Variants in TAPT1 observed in about 807,000 individuals in gnomAD.
The protein encoded by TAPT1 is transmembrane anterior posterior transformation 1, also known as transmembrane anterior posterior transformation protein 1 homolog.
In TAPT1, 28 loss-of-function variants were observed where a neutral mutation model predicts 65.6. The ratio of observed to expected loss-of-function variants is 0.43; its 90% CI spans 0.32 to 0.59. The LOEUF is 0.59. Ranked by LOEUF, TAPT1 falls within the 20% of genes least tolerant of loss-of-function variation. The probability of loss-of-function intolerance (pLI) is 0.09; values close to 1 mark genes in which losing one functional copy is unlikely to be tolerated. For missense variants in TAPT1, 563 were observed against 679.9 expected (o/e 0.83, Z 1.91); for synonymous variants, 278 against 245.2 (o/e 1.13, Z -1.25).
In TAPT1 at chr4:16,188,356, C is replaced by G; in HGVS notation, c.613-1G>C. ...AAGATGAAAACAGACGATCAGCTAC[C>G]TAAAAAAAAAAATTATTTGTAAGAT... On this transcript the variant is annotated splice_acceptor_variant, in intron 4 of 13. Coordinates refer to ENST00000405303, the MANE Select transcript of TAPT1 (RefSeq NM_153365.3). LOFTEE classifies it high-confidence loss of function. The G allele has an allele frequency of 6.4e-7, 1 of 1,558,750 alleles. No homozygotes were observed. The highest frequency in any genetic ancestry group is 2.3e-5 in the East Asian group (1 of 44,032).
At chr4:16,186,461 G>C in intron 7 of TAPT1, 74 bp downstream of exon 7, 1 of 929,410 alleles carries the variant, frequency 1.1e-6, no homozygotes, top group Admixed American at 2.4e-5. Flanking sequence ...CAGAGAAAAT[G>C]TGCCATTAGG....
At chr4:16,164,761 G>C (rs1747474739) in intron 13 of TAPT1, among the ~76,000 whole-genome samples, 1 of 152,054 alleles carries the variant, frequency 6.6e-6, no homozygotes, top group Admixed American at 6.5e-5. Flanking sequence ...TGCGTAACAA[G>C]AGAACACGTA....
At chr4:16,174,871 T>C in intron 9 of TAPT1, 142 bp from the exon 10 acceptor site, 2 of 554,546 alleles carry the variant, frequency 3.6e-6, no homozygotes, top group South Asian at 6.6e-5. Context: ...GCATAATTTC[T>C]TATTTGTTTT....
chr4:16,214,653 G>A (rs71603315), intron 1 of TAPT1: 1 of 152,200 alleles, frequency 6.6e-6, no homozygotes, highest in South Asian at 2.1e-4. Flanking sequence ...GAAGGCTCTG[G>A]ATGCTCGACC....
chr4:16,166,261 C>A (rs1747611134), intron 13 of TAPT1, among the ~76,000 whole-genome samples: 1 of 152,238 alleles, frequency 6.6e-6, no homozygotes, highest in African/African-American at 2.4e-5. Context: ...ACTTCCCTTT[C>A]CCCGTCCTGC....
In TAPT1 at chr4:16,187,358, G is replaced by A. The variant is rs115016634; in HGVS notation, c.749-480C>T. ...CCTGAGTCTTCAGGAAATGTGGAAT[G>A]TAAGGCAGTAGGAAATATCTGATAA... On this transcript the variant is annotated intron_variant, in intron 5 of 13. Coordinates refer to ENST00000405303, the MANE Select transcript of TAPT1 (RefSeq NM_153365.3). 4.4e-3 allele frequency among the ~76,000 whole-genome samples: 667 copies of A among 152,300 alleles called. 1 individual carries two copies. Among genetic ancestry groups the A allele is most frequent in the African/African-American group, 0.014 (594 of 41,582 alleles).
chr4:16,169,201 G>A (rs1013544530), intron 12 of TAPT1, among the ~76,000 whole-genome samples: 7 of 152,296 alleles, frequency 4.6e-5, no homozygotes, highest in East Asian at 1.9e-4. Flanking sequence ...GAAGTGAGGC[G>A]ACATGGGAGG....
intron 12 of TAPT1, among the ~76,000 whole-genome samples, chr4:16,168,931 G>GA (rs1441030381): frequency 6.6e-6 from 1 of 152,152 alleles, no homozygotes; most frequent in Non-Finnish European, 1.5e-5. Flanking sequence ...GGAAAGAGGA[G>GA]AAACCGGGTG....
chr4:16,202,603 GAAA>G, intron 2 of TAPT1, 23 bp from the exon 3 acceptor site: 1 of 665,348 alleles, frequency 1.5e-6, no homozygotes, highest in South Asian at 2.7e-5. Context: ...AAGGAGAGAA[GAAA>G]AAAAAAAAGT....
chr4:16,173,259 C>T (rs995532151), intron 11 of TAPT1, among the ~76,000 whole-genome samples: 1 of 151,954 alleles, frequency 6.6e-6, no homozygotes, highest in African/African-American at 2.4e-5. Flanking sequence ...CTAAGCCAGG[C>T]TAAACAAATC....
chr4:16,174,470 C>G, intron 10 of TAPT1, 198 bp from the exon 11 acceptor site: 1 of 671,708 alleles, frequency 1.5e-6, no homozygotes, highest in South Asian at 2.1e-5. Flanking sequence ...TAAAATGCTG[C>G]AAAGAGCATA....
rs60481023 is a variant in TAPT1, at chr4:16,188,813, G to A, written c.613-458C>T. ...CAGGCGCCTGTAGTCCCAGCTACTCGGGAGGCTGAGGCAGGAGAATGACGT... is the reference window on the plus strand; with the variant it reads ...CAGGCGCCTGTAGTCCCAGCTACTCAGGAGGCTGAGGCAGGAGAATGACGT... On this transcript the variant is annotated intron_variant, in intron 4 of 13. Transcript: ENST00000405303. Among the ~76,000 whole-genome samples, 664 of 152,102 alleles carry A rather than the reference G, an allele frequency of 4.4e-3. 1 individual carries two copies. The highest frequency in any genetic ancestry group is 0.014 in the African/African-American group (592 of 41,488).
chr4:16,222,903 T>C (rs1394875154), intron 1 of TAPT1, among the ~76,000 whole-genome samples: 1 of 152,198 alleles, frequency 6.6e-6, no homozygotes, highest in East Asian at 1.9e-4. Flanking sequence ...AGAAACAATA[T>C]GTTCACCTAT....
In TAPT1 at chr4:16,186,452, A is replaced by G. The variant is rs541871326; in HGVS notation, c.916+83T>C. Reference sequence around the variant, plus strand: ...TACAGTTTAAGCTGAAGAGTGGCCCAGAGAAAATGTGCCATTAGGATTTCA... The same window carrying G: ...TACAGTTTAAGCTGAAGAGTGGCCCGGAGAAAATGTGCCATTAGGATTTCA... On this transcript the variant is annotated intron_variant, in intron 7 of 13. Coordinates refer to ENST00000405303, the MANE Select transcript of TAPT1 (RefSeq NM_153365.3). 1.6e-5 allele frequency: 14 copies of G among 856,976 alleles called. No individual in the cohort carries two copies. The East Asian group carries it at 3.8e-4, about 23-fold the overall frequency. 53.1% of individuals were successfully genotyped at this position (856,976 alleles called of 1,614,324 possible). A position where few individuals can be genotyped will look rare whatever the true frequency, so the allele number is the denominator to read the frequency against.
In TAPT1 at chr4:16,179,679, T is replaced by C. The variant is rs960127657; in HGVS notation, c.917-22A>G. ...ATATCTAAAAGAAAAAAAATCAACATAAGTACTGTAGTGTATATAAACAAC... is the reference window on the plus strand; with the variant it reads ...ATATCTAAAAGAAAAAAAATCAACACAAGTACTGTAGTGTATATAAACAAC... On this transcript the variant is annotated intron_variant, in intron 7 of 13. Coordinates refer to ENST00000405303, the MANE Select transcript of TAPT1 (RefSeq NM_153365.3). The C allele has an allele frequency of 6.1e-6, 8 of 1,313,380 alleles. No homozygotes were observed. The African/African-American group carries it at 1.0e-4, about 17-fold the overall frequency. The allele number at this position is 1,313,380 out of a possible 1,614,324, so 81.4% of individuals were successfully genotyped here.
intron 3 of TAPT1, among the ~76,000 whole-genome samples, chr4:16,202,141 G>A (rs1260504847): frequency 6.6e-6 from 1 of 152,150 alleles, no homozygotes. Context: ...AGGCCCAGGT[G>A]AGTTAAGAAC....
chr4:16,189,691 C>T (rs1183980375), intron 4 of TAPT1, among the ~76,000 whole-genome samples: 2 of 152,212 alleles, frequency 1.3e-5, no homozygotes, highest in Admixed American at 6.5e-5. Flanking sequence ...GGACTCTCAT[C>T]CACTGTGTTT....
In TAPT1 at chr4:16,166,635, T is replaced by G; in HGVS notation, c.1472A>C (p.Gln491Pro). 1 of 1,613,768 alleles carries G rather than the reference T, an allele frequency of 6.2e-7. No homozygotes were observed. The highest frequency in any genetic ancestry group is 1.1e-5 in the South Asian group (1 of 91,082). The change falls in exon 13 of 14, where the codon CAA (glutamine) becomes CCA (proline). Residue 491 changes from glutamine (Q) to proline (P), a missense_variant and splice_region_variant. Around this residue, in one of 5 missense-constraint regions of TAPT1, gnomAD observed 136 missense variants for 153.9 expected, o/e 0.88. Coordinates refer to ENST00000405303, the MANE Select transcript of TAPT1 (RefSeq NM_153365.3). ...GTGAAGAAAGGGACCAAACCTACCT[T>G]GAGAGGGTTTACATTTGTTCTGTGA... ...SKSQNKCKPSQGLSTEENLSA... is the reference protein window; with the variant it reads ...SKSQNKCKPSPGLSTEENLSA...
intron 2 of TAPT1, among the ~76,000 whole-genome samples, chr4:16,211,256 T>C (rs942940546): frequency 1.3e-5 from 2 of 151,960 alleles, no homozygotes; most frequent in Non-Finnish European, 2.9e-5. Context: ...AGATATTATA[T>C]ATTAGAATAG....
Sources: gnomAD v4.1 joint callset for allele counts (sites outside exome capture counted in the v4.1 genomes callset) on GRCh38, gnomAD v4.1.1 for gene constraint, gnomAD v4.1.1 regional missense constraint, MANE v1.5 for transcripts, NCBI Gene and HGNC (gene_info 2026-07-23, HGNC 2026-07-21) for gene names.